The following SNAPC3 variants were observed in gnomAD, a reference collection of about 807,000 sequenced individuals.
SNAPC3 encodes snRNA-activating protein complex subunit 3.
A neutral mutation model predicts 47.7 loss-of-function variants in SNAPC3; 56 were observed. The observed-to-expected ratio is 1.18, with a 90% CI of 0.95 to 1.47. SNAPC3 has a LOEUF of 1.47. Ranked by LOEUF, SNAPC3 falls within the 40% of genes most tolerant of loss-of-function variation. The probability of loss-of-function intolerance (pLI) is 0.00; values close to 1 mark genes in which losing one functional copy is unlikely to be tolerated. For missense variants in SNAPC3, 665 were observed against 511.3 expected (o/e 1.30, Z -2.90); for synonymous variants, 235 against 189.9 (o/e 1.24, Z -1.95).
downstream of SNAPC3, chr9:15,463,062 G>A (rs2035337713): frequency 6.6e-6 from 1 of 151,836 alleles, no homozygotes; most frequent in Non-Finnish European, 1.5e-5. Flanking sequence ...TGAAATCACT[G>A]GATATAATAT....
At position 15,461,589 on chromosome 9, in the gene SNAPC3, T is replaced by C. The variant is rs1173017691; in HGVS notation, c.*1723T>C. On this transcript the variant is annotated 3_prime_UTR_variant, in exon 9 of 9. Transcript: ENST00000380821. Reference sequence around the variant, plus strand: ...TTTTAGGAATACTATAGATTTCAAATGCATCATTTAAAATAAATAAATTCC... The same window carrying C: ...TTTTAGGAATACTATAGATTTCAAACGCATCATTTAAAATAAATAAATTCC... 6.6e-6 allele frequency: 1 copy of C among 152,256 alleles called. No individual in the cohort carries two copies. Among genetic ancestry groups the C allele is most frequent in the Non-Finnish European group, 1.5e-5 (1 of 68,046 alleles). The allele number at this position is 152,256 out of a possible 1,614,324, so 9.4% of individuals were successfully genotyped here.
chr9:15,423,995 G>A lies in SNAPC3; in HGVS notation c.392+9G>A. The A allele has an allele frequency of 6.6e-7, 1 of 1,515,590 alleles. No homozygotes were observed. Among genetic ancestry groups the A allele is most frequent in the African/African-American group, 1.4e-5 (1 of 70,770 alleles). 93.9% of individuals were successfully genotyped at this position (1,515,590 alleles called of 1,614,324 possible). A position where few individuals can be genotyped will look rare whatever the true frequency, so the allele number is the denominator to read the frequency against. The stretch of plus-strand genomic sequence containing the variant: ...GACCTGGTGACTTTGGGGTATGGAG[G>A]ACTTGGTTTTTATGACCTATTTATT... On this transcript the variant is annotated intron_variant, in intron 2 of 8. Transcript: ENST00000380821.
At chr9:15,455,803 A>G (rs892529585) in intron 7 of SNAPC3, among the ~76,000 whole-genome samples, 48 of 152,170 alleles carry the variant, frequency 3.2e-4, no homozygotes, top group African/African-American at 1.0e-3. Flanking sequence ...GGTTGAAGCA[A>G]TTCTCATGCC....
intron 2 of SNAPC3, chr9:15,431,852 A>T (rs1267842108): frequency 6.6e-6 from 1 of 151,858 alleles, no homozygotes; most frequent in Non-Finnish European, 1.5e-5. Flanking sequence ...AAGGGTGGGG[A>T]AGAAAGAACT....
In SNAPC3 at chr9:15,459,827, C is replaced by G. The variant is rs757845205; in HGVS notation, c.1197C>G (p.Phe399Leu). 2.5e-6 allele frequency: 4 copies of G among 1,613,492 alleles called. No individual in the cohort carries two copies. The highest frequency in any genetic ancestry group is 2.5e-6 in the Non-Finnish European group (3 of 1,179,720). Residue 399 changes from phenylalanine (F) to leucine (L), a missense_variant, in exon 9 of 9, where the codon TTC becomes TTG. Phe to Leu is a conservative substitution (Grantham distance 22). Coordinates refer to ENST00000380821, the MANE Select transcript of SNAPC3 (RefSeq NM_001039697.2). ...CAGAAGGCAACAAACTGGGGGAATT[C>G]CTTGCTTATCCTTATGTTGATCCTG... ...YDSEGNKLGE[F>L]LAYPYVDPGT...
intron 7 of SNAPC3, among the ~76,000 whole-genome samples, chr9:15,456,089 G>T (rs2034769829): frequency 6.6e-6 from 1 of 152,070 alleles, no homozygotes; most frequent in Non-Finnish European, 1.5e-5. Flanking sequence ...GGTCAGGCTG[G>T]TCTCGAACTC....
At chr9:15,430,155 G>A (rs1434593676) in intron 2 of SNAPC3, among the ~76,000 whole-genome samples, 3 of 152,224 alleles carry the variant, frequency 2.0e-5, no homozygotes, top group African/African-American at 7.2e-5. Context: ...AACAGGTTGC[G>A]TGCAGTGGCT....
At chr9:15,459,644 T>G in intron 8 of SNAPC3, 75 bp from the exon 9 acceptor site, 1 of 1,120,256 alleles carries the variant, frequency 8.9e-7, no homozygotes, top group Non-Finnish European at 1.3e-6. Flanking sequence ...ATTTACATAT[T>G]GCTACAGGTC....
intron 4 of SNAPC3, among the ~76,000 whole-genome samples, chr9:15,445,317 ATTC>A (rs1251664618): frequency 6.6e-6 from 1 of 152,198 alleles, no homozygotes; most frequent in Non-Finnish European, 1.5e-5. Context: ...AATTCTACTA[ATTC>A]TTGAGGGATT....
At chr9:15,462,286 T>C (rs1478215687), downstream of SNAPC3, 2 of 152,212 alleles carry the variant, frequency 1.3e-5, no homozygotes, top group Non-Finnish European at 2.9e-5. Context: ...CATCAAAGAC[T>C]CAGGTACCTA....
rs1376811393 is a variant in SNAPC3 at position 15,450,315 on chromosome 9, C to CT, written c.733-1004dup. Among the ~76,000 whole-genome samples the CT allele has an allele frequency of 2.3e-3, 346 of 152,168 alleles. 4 individuals are homozygous for CT. The highest frequency in any genetic ancestry group is 5.4e-4 in the Non-Finnish European group (37 of 68,014). On this transcript the variant is annotated intron_variant, in intron 5 of 8. Coordinates refer to ENST00000380821, the MANE Select transcript of SNAPC3 (RefSeq NM_001039697.2). ...GTGTCTGATGCGAACACAAGATAAT[C>CT]TGTAAGTGGGGGAATGAAGACAAGA...
At chr9:15,435,226 C>A (rs1478482355) in intron 3 of SNAPC3, among the ~76,000 whole-genome samples, 1 of 152,092 alleles carries the variant, frequency 6.6e-6, no homozygotes, top group South Asian at 2.1e-4. Flanking sequence ...TGAAAAAGAT[C>A]TATTAAAATA....
intron 6 of SNAPC3, among the ~76,000 whole-genome samples, chr9:15,452,008 G>T (rs1327038163): frequency 6.6e-6 from 1 of 151,976 alleles, no homozygotes; most frequent in African/African-American, 2.4e-5. Flanking sequence ...CTGTCACCCA[G>T]TCTGGAGTAT....
downstream of SNAPC3, chr9:15,465,003 A>C (rs1024030752): frequency 1.4e-5 from 3 of 220,056 alleles, no homozygotes; most frequent in Non-Finnish European, 2.7e-5. Flanking sequence ...TGTGAGATTA[A>C]AATTAACTTT....
At chr9:15,427,751 G>T (rs1197929043) in intron 2 of SNAPC3, among the ~76,000 whole-genome samples, 1 of 152,122 alleles carries the variant, frequency 6.6e-6, no homozygotes, top group African/African-American at 2.4e-5. Context: ...AGGATGTACT[G>T]TTTAAAGGTT....
At chr9:15,435,847 T>TTTC (rs1554648425) in intron 3 of SNAPC3, among the ~76,000 whole-genome samples, 1 of 147,858 alleles carries the variant, frequency 6.8e-6, no homozygotes, top group Non-Finnish European at 1.5e-5. Flanking sequence ...TTTCTTTCTT[T>TTTC]TTTTTTTTTT....
In SNAPC3 at chr9:15,460,023, A is replaced by G. The variant is rs1007039375; in HGVS notation, c.*157A>G. 2 of 511,580 alleles carry G rather than the reference A, an allele frequency of 3.9e-6. No homozygotes were observed. Among genetic ancestry groups the G allele is most frequent in the Non-Finnish European group, 6.8e-6 (2 of 295,186 alleles). The allele number at this position is 511,580 out of a possible 1,614,324, so 31.7% of individuals were successfully genotyped here. Reference sequence around the variant, plus strand: ...CCAAATGACAGATTTTCTTATAATGATAGTATTTAAATGTTTATAACATAG... The same window carrying G: ...CCAAATGACAGATTTTCTTATAATGGTAGTATTTAAATGTTTATAACATAG... On this transcript the variant is annotated 3_prime_UTR_variant, in exon 9 of 9. Coordinates refer to ENST00000380821, the MANE Select transcript of SNAPC3 (RefSeq NM_001039697.2).
chr9:15,443,286 T>G (rs1424504454), intron 3 of SNAPC3, among the ~76,000 whole-genome samples: 1 of 152,240 alleles, frequency 6.6e-6, no homozygotes, highest in East Asian at 1.9e-4. Context: ...GAATAATTAA[T>G]TGACACTTTG....
rs557965723 is a variant in SNAPC3 at position 15,448,872 on chromosome 9, C to G, written c.732+1628C>G. 5.9e-4 allele frequency among the ~76,000 whole-genome samples: 90 copies of G among 152,036 alleles called. No homozygotes were observed. In the South Asian group the frequency reaches 0.017, roughly 29 times the overall value. On this transcript the variant is annotated intron_variant, in intron 5 of 8. Transcript: ENST00000380821. Reference sequence around the variant, plus strand: ...TTGCCCAGGCTGGAGTGCGATGATGCAATCTCGGCTCACTGCAACTTTCAC... The same window carrying G: ...TTGCCCAGGCTGGAGTGCGATGATGGAATCTCGGCTCACTGCAACTTTCAC...
Sources: allele counts gnomAD v4.1 joint callset (sites outside exome capture counted in the v4.1 genomes callset), GRCh38; gene constraint gnomAD v4.1.1; transcripts MANE v1.5; gene names NCBI Gene and HGNC (gene_info 2026-07-23, HGNC 2026-07-21).